Variants in HCFC2 observed in about 807,000 individuals in gnomAD.
HCFC2 encodes the protein host cell factor C2, also known as host cell factor 2.
In HCFC2, 18 loss-of-function variants were observed where a neutral mutation model predicts 89.2. That is an observed-to-expected ratio of 0.20 (90% CI 0.14 to 0.30). The LOEUF (loss-of-function observed/expected upper bound fraction) is 0.30, where lower values mean the gene tolerates loss of function less well. HCFC2 is among the 10% of genes least tolerant of loss of function. The pLI is 1.00. For missense variants in HCFC2, 578 were observed against 956.1 expected (o/e 0.60, Z 5.21); for synonymous variants, 308 against 335.7 (o/e 0.92, Z 0.90).
intron 3 of HCFC2, among the ~76,000 whole-genome samples, chr12:104,070,244 G>A (rs1883278921): frequency 6.6e-6 from 1 of 151,722 alleles, no homozygotes; most frequent in Non-Finnish European, 1.5e-5. Context: ...TAGCCAGGAT[G>A]GTCTCGATCT....
chr12:104,087,453 GTATA>G (rs1566232381), intron 8 of HCFC2, among the ~76,000 whole-genome samples: 1 of 60,714 alleles, frequency 1.6e-5, no homozygotes, highest in Non-Finnish European at 3.0e-5. Flanking sequence ...ATGTGTGTGT[GTATA>G]TATATATACA....
chr12:104,087,484 T>TACATATATATATATATAC (rs1883902551), intron 8 of HCFC2, among the ~76,000 whole-genome samples: 1 of 140,938 alleles, frequency 7.1e-6, no homozygotes, highest in South Asian at 2.2e-4. Flanking sequence ...TATATATATA[T>TACATATATATATATATAC]GTATATATAT....
chr12:104,084,714 C>G (rs1005423732), intron 7 of HCFC2, among the ~76,000 whole-genome samples: 1 of 152,110 alleles, frequency 6.6e-6, no homozygotes, highest in East Asian at 1.9e-4. Context: ...GTGCACACTG[C>G]AAGACAAGTT....
intron 3 of HCFC2, among the ~76,000 whole-genome samples, chr12:104,074,223 C>G (rs1032585045): frequency 6.6e-6 from 1 of 152,178 alleles, no homozygotes; most frequent in African/African-American, 2.4e-5. Flanking sequence ...TCTGCACCCT[C>G]GACCTCCTAG....
chr12:104,065,824 G>A (rs1481126717), intron 1 of HCFC2, among the ~76,000 whole-genome samples: 1 of 152,124 alleles, frequency 6.6e-6, no homozygotes, highest in Non-Finnish European at 1.5e-5. Flanking sequence ...TCACCCAGCA[G>A]GGCGTTTTGT....
In HCFC2 at chr12:104,095,566, T is replaced by C. The variant is rs1884153325; in HGVS notation, c.1666+3T>C. On this transcript the variant is annotated splice_donor_region_variant and intron_variant, in intron 11 of 14. Coordinates refer to ENST00000229330, the MANE Select transcript of HCFC2 (RefSeq NM_013320.3). The surrounding 1 kb of genome is among the most constrained non-coding windows in gnomAD (Gnocchi z 4.2). ...AACATTCAGTACCAAATCTGAAGGT[T>C]TGAAATGTGTTTCACATACTGTATT... The C allele has an allele frequency of 1.9e-6, 3 of 1,608,396 alleles. No individual in the cohort carries two copies. Among genetic ancestry groups the C allele is most frequent in the African/African-American group, 1.3e-5 (1 of 74,964 alleles).
At position 104,095,467 on chromosome 12, in the gene HCFC2, G is replaced by A. The variant is rs1352629117; in HGVS notation, c.1570G>A (p.Val524Ile). 3.7e-6 allele frequency: 6 copies of A among 1,613,634 alleles called. No individual in the cohort carries two copies. In the Admixed American group the frequency reaches 8.3e-5, roughly 22 times the overall value. Residue 524 changes from valine to isoleucine, a missense_variant, in exon 11 of 15, where the codon GTA becomes ATA. Coordinates refer to ENST00000229330, the MANE Select transcript of HCFC2 (RefSeq NM_013320.3). The surrounding 1 kb of genome is among the most constrained non-coding windows in gnomAD (Gnocchi z 4.2). ...SSTVSSTQTMVTQQTIKTESS... is the reference protein window; with the variant it reads ...SSTVSSTQTMITQQTIKTESS... ...TACTGTTTCCAGCACACAAACTATG[G>A]TAACCCAGCAGACCATTAAAACTGA...
In HCFC2 at chr12:104,102,943, T is replaced by TCC. The variant is rs200215993; in HGVS notation, c.2065-8_2065-7dup. 4.7e-5 allele frequency: 72 copies of TCC among 1,547,974 alleles called. 1 individual carries two copies. Among genetic ancestry groups the TCC allele is most frequent in the East Asian group, 4.2e-4 (18 of 43,038 alleles). On this transcript the variant is annotated splice_polypyrimidine_tract_variant and intron_variant, in intron 14 of 14. Transcript: ENST00000229330. ...ACTTAAGAACCTTTAACCTGTTTTTTCCCCCCCCCTTCAAGAATGTTGAAG... is the reference window on the plus strand; with the variant it reads ...ACTTAAGAACCTTTAACCTGTTTTTTCCCCCCCCCCCTTCAAGAATGTTGAAG...
Position 104,095,605 on chromosome 12 carries a change from G to C in HCFC2, c.1666+42G>C. 1 of 1,469,384 alleles carries C rather than the reference G, an allele frequency of 6.8e-7. No individual in the cohort carries two copies. The highest frequency in any genetic ancestry group is 9.5e-7 in the Non-Finnish European group (1 of 1,057,560). The allele number at this position is 1,469,384 out of a possible 1,614,324, so 91.0% of individuals were successfully genotyped here. On this transcript the variant is annotated intron_variant, in intron 11 of 14. Coordinates refer to ENST00000229330, the MANE Select transcript of HCFC2 (RefSeq NM_013320.3). This position sits in a 1 kb window ranked among gnomAD's most constrained non-coding sequence, Gnocchi z 4.2. ...ACATACTGTATTTTGAACCATTTAT[G>C]TATATAAATTCATCAAACTTACTTG... is the stretch of plus-strand genomic sequence containing the variant.
intron 9 of HCFC2, 134 bp from the exon 10 acceptor site, chr12:104,093,252 T>G (rs1884076689): frequency 1.8e-6 from 1 of 563,668 alleles, no homozygotes; most frequent in Non-Finnish European, 3.0e-6. Context: ...CTGTAGAAAT[T>G]AATAATGTAA....
intron 13 of HCFC2, among the ~76,000 whole-genome samples, chr12:104,099,365 T>A (rs1884272580): frequency 6.6e-6 from 1 of 152,138 alleles, no homozygotes; most frequent in South Asian, 2.1e-4. Context: ...GGAAAACAGA[T>A]CCAAATCATA....
In HCFC2 at chr12:104,103,379, A is replaced by G; in HGVS notation, c.*106A>G. On this transcript the variant is annotated 3_prime_UTR_variant, in exon 15 of 15. Coordinates refer to ENST00000229330, the MANE Select transcript of HCFC2 (RefSeq NM_013320.3). ...TTCTCTGGCTGTATTTCCAGCAGTTATGAACTTGAGTTTGTAAATTGTTCT... is the reference window on the plus strand; with the variant it reads ...TTCTCTGGCTGTATTTCCAGCAGTTGTGAACTTGAGTTTGTAAATTGTTCT... 3.2e-6 allele frequency: 3 copies of G among 938,284 alleles called. No homozygotes were observed. The highest frequency in any genetic ancestry group is 5.6e-5 in the Admixed American group (2 of 35,850). The allele number at this position is 938,284 out of a possible 1,614,324, so 58.1% of individuals were successfully genotyped here.
chr12:104,074,648 A>G (rs1008244773), intron 3 of HCFC2, among the ~76,000 whole-genome samples: 1 of 152,126 alleles, frequency 6.6e-6, no homozygotes, highest in African/African-American at 2.4e-5. Context: ...TCCTAGTTAA[A>G]TCTCACTTTA....
At chr12:104,099,070 A>G (rs906789976) in intron 13 of HCFC2, among the ~76,000 whole-genome samples, 7 of 152,148 alleles carry the variant, frequency 4.6e-5, no homozygotes, top group African/African-American at 1.7e-4. Flanking sequence ...AGGAAGCATG[A>G]TGCTGGCATC....
At position 104,064,771 on chromosome 12, in the gene HCFC2, G is replaced by T; in HGVS notation, c.163+48G>T. On this transcript the variant is annotated intron_variant, in intron 1 of 14. Coordinates refer to ENST00000229330, the MANE Select transcript of HCFC2 (RefSeq NM_013320.3). The surrounding 1 kb of genome is among the most constrained non-coding windows in gnomAD (Gnocchi z 7.3). ...GGCCCCGCCTGCTGGAGCTGCGGAGGGGGAGGGGAGGCGAGGCGGCGGCCG... is the reference window on the plus strand; with the variant it reads ...GGCCCCGCCTGCTGGAGCTGCGGAGTGGGAGGGGAGGCGAGGCGGCGGCCG... The T allele has an allele frequency of 2.0e-6, 3 of 1,504,510 alleles. No homozygotes were observed. The highest frequency in any genetic ancestry group is 1.2e-5 in the South Asian group (1 of 80,722). 93.2% of individuals were successfully genotyped at this position (1,504,510 alleles called of 1,614,324 possible).
chr12:104,084,462 T>C (rs1378517743), intron 7 of HCFC2, among the ~76,000 whole-genome samples: 1 of 151,448 alleles, frequency 6.6e-6, no homozygotes, highest in African/African-American at 2.4e-5. Context: ...ATACAAGGAG[T>C]CTGAGATGGG....
intron 7 of HCFC2, among the ~76,000 whole-genome samples, chr12:104,083,383 T>C (rs1883740921): frequency 1.3e-5 from 2 of 151,864 alleles, no homozygotes; most frequent in Admixed American, 6.6e-5. Context: ...ACAAAGAATA[T>C]GTGAGCAGTA....
In HCFC2 at chr12:104,073,876, A is replaced by G. The variant is rs150098021; in HGVS notation, c.474-5569A>G. Among the ~76,000 whole-genome samples, 48 of 152,246 alleles carry G rather than the reference A, an allele frequency of 3.2e-4. 1 individual carries two copies. Among genetic ancestry groups the G allele is most frequent in the African/African-American group, 1.1e-3 (44 of 41,548 alleles). On this transcript the variant is annotated intron_variant, in intron 3 of 14. Coordinates refer to ENST00000229330, the MANE Select transcript of HCFC2 (RefSeq NM_013320.3). Reference sequence around the variant, plus strand: ...TGTGGCCTGCTGTCTTTTTTTATTAATAAAGTTTTATTGGAACACAGCCAT... The same window carrying G: ...TGTGGCCTGCTGTCTTTTTTTATTAGTAAAGTTTTATTGGAACACAGCCAT...
rs1593587250 is a variant in HCFC2, at chr12:104,066,045, G to A, written c.164-122G>A. 6 of 939,358 alleles carry A rather than the reference G, an allele frequency of 6.4e-6. No individual in the cohort carries two copies. In the East Asian group the frequency reaches 1.5e-4, roughly 24 times the overall value. 58.2% of individuals were successfully genotyped at this position (939,358 alleles called of 1,614,324 possible). A position where few individuals can be genotyped will look rare whatever the true frequency, so the allele number is the denominator to read the frequency against. ...AAAATGTCACCAGACATTACCAAAT[G>A]TCTTCTGGGGGGCAGAATCATCCCC... On this transcript the variant is annotated intron_variant, in intron 1 of 14. Transcript: ENST00000229330.
Sources: allele counts gnomAD v4.1 joint callset (sites outside exome capture counted in the v4.1 genomes callset), GRCh38; gene constraint gnomAD v4.1.1; non-coding constraint Gnocchi (gnomAD v3.1); transcripts MANE v1.5; gene names NCBI Gene and HGNC (gene_info 2026-07-23, HGNC 2026-07-21).